MAGI1: variants seen among roughly 807,000 people sequenced by gnomAD.
The protein encoded by MAGI1 is membrane-associated guanylate kinase, WW and PDZ domain-containing protein 1.
Under a neutral mutation model 139.9 loss-of-function variants are expected in MAGI1, and 58 were observed. The observed-to-expected ratio is 0.41, with a 90% CI of 0.34 to 0.52. The LOEUF (loss-of-function observed/expected upper bound fraction) is 0.52. Among genes scored for constraint, MAGI1 ranks in the 20% least tolerant of loss-of-function variants. MAGI1 has a pLI of 0.12. For missense variants in MAGI1, 1,874 were observed against 1,901.6 expected (o/e 0.99, Z 0.27); for synonymous variants, 812 against 737.9 (o/e 1.10, Z -1.63).
intron 2 of MAGI1, among the ~76,000 whole-genome samples, chr3:65,519,468 C>G (rs1323084575): frequency 6.6e-6 from 1 of 152,098 alleles, no homozygotes; most frequent in Non-Finnish European, 1.5e-5. Context: ...TCACTGCAAC[C>G]TCAGCCTCCT....
chr3:65,839,512 G>A lies in MAGI1; in HGVS notation c.313+198484C>T, dbSNP rs184705180. ...TGACCGCTCCATGAGTGACAAAGGC[G>A]CAAACACATTCAATGGAGGAAGGAC... On this transcript the variant is annotated intron_variant, in intron 1 of 22. Coordinates refer to ENST00000402939, the MANE Select transcript of MAGI1 (RefSeq NM_001033057.2). Among the ~76,000 whole-genome samples the A allele has an allele frequency of 3.0e-4, 46 of 152,120 alleles. 2 individuals are homozygous for A. The highest frequency in any genetic ancestry group is 1.0e-3 in the South Asian group (5 of 4,816).
chr3:65,417,955 G>A (rs1367246617), intron 12 of MAGI1, among the ~76,000 whole-genome samples: 1 of 152,144 alleles, frequency 6.6e-6, no homozygotes, highest in East Asian at 1.9e-4. Context: ...GGGCGATTTT[G>A]CCCCTTAGGG....
intron 7 of MAGI1, among the ~76,000 whole-genome samples, 163 bp downstream of exon 7, chr3:65,447,859 C>T (rs968953064): frequency 7.2e-5 from 11 of 152,150 alleles, no homozygotes; most frequent in East Asian, 5.8e-4. Context: ...CAGGCAGACA[C>T]GCAGGTTGTA....
chr3:65,507,214 G>T (rs1357371626), intron 2 of MAGI1, among the ~76,000 whole-genome samples: 9 of 152,212 alleles, frequency 5.9e-5, no homozygotes, highest in Non-Finnish European at 1.0e-4. Context: ...CCACACAGCA[G>T]TATCATGTTG....
At chr3:65,656,266 A>C (rs2107347273) in intron 1 of MAGI1, among the ~76,000 whole-genome samples, 1 of 152,242 alleles carries the variant, frequency 6.6e-6, no homozygotes, top group East Asian at 1.9e-4. Flanking sequence ...TCCATCTCAA[A>C]GCCCCTTTGC....
intron 2 of MAGI1, among the ~76,000 whole-genome samples, chr3:65,540,702 G>A (rs2079169661): frequency 6.6e-6 from 1 of 152,192 alleles, no homozygotes; most frequent in South Asian, 2.1e-4. Context: ...TGATTCATCA[G>A]AGTATGCCCT....
intron 1 of MAGI1, among the ~76,000 whole-genome samples, chr3:65,810,038 C>A (rs2041124894): frequency 6.6e-6 from 1 of 151,890 alleles, no homozygotes; most frequent in Admixed American, 6.6e-5. Flanking sequence ...CTATCATTTT[C>A]TTTTATTTCA....
chr3:65,560,823 G>A (rs1419759839), intron 2 of MAGI1, among the ~76,000 whole-genome samples: 2 of 152,196 alleles, frequency 1.3e-5, no homozygotes, highest in South Asian at 2.1e-4. Flanking sequence ...GGGAAGTCTG[G>A]GAGGAAGACT....
intron 1 of MAGI1, among the ~76,000 whole-genome samples, chr3:65,839,991 G>C (rs113233035): frequency 1.3e-5 from 2 of 152,028 alleles, no homozygotes; most frequent in Non-Finnish European, 2.9e-5. Flanking sequence ...TATTTTGTTA[G>C]AGTTATACCT....
chr3:65,372,432 C>G (rs991693138), intron 18 of MAGI1, among the ~76,000 whole-genome samples: 5 of 152,166 alleles, frequency 3.3e-5, no homozygotes, highest in Non-Finnish European at 7.3e-5. Context: ...TGTTCCATTT[C>G]TAGAGCACAG....
At chr3:65,645,529 T>C (rs2085211324) in intron 1 of MAGI1, among the ~76,000 whole-genome samples, 1 of 152,100 alleles carries the variant, frequency 6.6e-6, no homozygotes. Context: ...AAACCTATCC[T>C]AAAAAGATGA....
Position 65,503,636 on chromosome 3 carries a change from A to G in MAGI1, c.431-10005T>C, listed in dbSNP as rs556448010. Reference sequence around the variant, plus strand: ...CAGACCATTTCAGGTTCCATCTTGCATGGAAGAACACTGTGTGATGAAGGT... The same window carrying G: ...CAGACCATTTCAGGTTCCATCTTGCGTGGAAGAACACTGTGTGATGAAGGT... On this transcript the variant is annotated intron_variant, in intron 2 of 22. Transcript: ENST00000402939. Among the ~76,000 whole-genome samples the G allele has an allele frequency of 3.3e-5, 5 of 152,336 alleles. No individual in the cohort carries two copies. In the South Asian group the frequency reaches 6.2e-4, roughly 19 times the overall value.
chr3:65,997,800 C>T (rs898746869), intron 1 of MAGI1, among the ~76,000 whole-genome samples: 3 of 152,122 alleles, frequency 2.0e-5, no homozygotes, highest in African/African-American at 7.2e-5. Context: ...CCCTCGACAC[C>T]AGGAACCTAA....
In MAGI1 at chr3:65,643,757, C is replaced by T. The variant is rs186836618; in HGVS notation, c.314-21669G>A. Among the ~76,000 whole-genome samples, 218 of 152,264 alleles carry T rather than the reference C, an allele frequency of 1.4e-3. 1 individual carries two copies. The highest frequency in any genetic ancestry group is 4.1e-3 in the African/African-American group (172 of 41,570). ...AATAAGGAAAACTGTTACACAATAACGGCTCTACTTCAGCCAAATACCACA... is the reference window on the plus strand; with the variant it reads ...AATAAGGAAAACTGTTACACAATAATGGCTCTACTTCAGCCAAATACCACA... On this transcript the variant is annotated intron_variant, in intron 1 of 22. Transcript: ENST00000402939.
At chr3:65,667,240 G>T (rs1418591298) in intron 1 of MAGI1, among the ~76,000 whole-genome samples, 1 of 152,178 alleles carries the variant, frequency 6.6e-6, no homozygotes, top group Admixed American at 6.5e-5. Context: ...GGGAAAGTAG[G>T]ACTACAGTAT....
At chr3:65,911,232 G>T (rs1414958556) in intron 1 of MAGI1, among the ~76,000 whole-genome samples, 1 of 151,926 alleles carries the variant, frequency 6.6e-6, no homozygotes, top group Non-Finnish European at 1.5e-5. Flanking sequence ...TTTGTCAAAT[G>T]AAAATAACTT....
chr3:65,524,707 C>T (rs945093923), intron 2 of MAGI1, among the ~76,000 whole-genome samples: 1 of 152,108 alleles, frequency 6.6e-6, no homozygotes, highest in African/African-American at 2.4e-5. Context: ...ACTGCAGAAC[C>T]AAGATAGGCT....
intron 1 of MAGI1, among the ~76,000 whole-genome samples, chr3:66,001,040 C>A (rs1015775235): frequency 1.3e-5 from 2 of 152,216 alleles, no homozygotes; most frequent in African/African-American, 4.8e-5. Flanking sequence ...TGAAATTATT[C>A]TCTTCAAGGG....
chr3:65,834,386 T>C (rs1401240594), intron 1 of MAGI1, among the ~76,000 whole-genome samples: 1 of 152,252 alleles, frequency 6.6e-6, no homozygotes, highest in African/African-American at 2.4e-5. Flanking sequence ...GAAGTCCAAG[T>C]AGCTGGAGCT....
Sources: gnomAD v4.1 joint callset for allele counts (sites outside exome capture counted in the v4.1 genomes callset) on GRCh38, gnomAD v4.1.1 for gene constraint, MANE v1.5 for transcripts, NCBI Gene and HGNC (gene_info 2026-07-23, HGNC 2026-07-21) for gene names.